PAK3: variants seen among roughly 807,000 people sequenced by gnomAD.
PAK3 encodes p21 (RAC1) activated kinase 3, also known as serine/threonine-protein kinase PAK 3.
In PAK3, 4 loss-of-function variants were observed where a neutral mutation model predicts 41.0. The observed-to-expected ratio is 0.10, with a 90% CI of 0.05 to 0.22. The LOEUF (loss-of-function observed/expected upper bound fraction) is 0.22. Among genes scored for constraint, PAK3 ranks in the 10% least tolerant of loss-of-function variants. The pLI, the probability that PAK3 is intolerant of heterozygous loss-of-function variation, is 1.00. For synonymous variants in PAK3, 146 were observed against 139.6 expected (o/e 1.05, Z -0.32); for missense variants, 205 against 409.9 (o/e 0.50, Z 4.32).
At chrX:111,080,994 G>A (rs2092829990) in intron 1 of PAK3, among the ~76,000 whole-genome samples, 1 of 111,595 alleles carries the variant, frequency 9.0e-6, no homozygotes, top group Non-Finnish European at 1.9e-5. Flanking sequence ...AAAGACAAAT[G>A]CTACATGATC....
Position 111,216,444 on chromosome X carries a change from T to C in PAK3, c.1431T>C (p.Asn477=), listed in dbSNP as rs1261668936. ...AGGCATTGTATCTGATAGCCACTAA[T>C]GGAACTCCAGAGCTCCAGAATCCTG... ...PLRALYLIAT[N]GTPELQNPER... The change falls in exon 17 of 18, where the codon AAT becomes AAC. Residue 477 remains asparagine, a synonymous_variant. Transcript: ENST00000372007. 3.4e-6 allele frequency: 4 copies of C among 1,190,722 alleles called. No individual in the cohort carries two copies. The highest frequency in any genetic ancestry group is 4.3e-5 in the Admixed American group (2 of 46,045).
intron 1 of PAK3, among the ~76,000 whole-genome samples, chrX:111,088,172 C>G (rs780806485): frequency 1.5e-4 from 17 of 111,297 alleles, no homozygotes; most frequent in African/African-American, 5.2e-4. Flanking sequence ...GCAGCCAAAT[C>G]GAGAACCACT....
At chrX:111,076,113 T>G (rs1286751958) in intron 1 of PAK3, among the ~76,000 whole-genome samples, 1 of 112,122 alleles carries the variant, frequency 8.9e-6, no homozygotes, top group Non-Finnish European at 1.9e-5. Flanking sequence ...GATGAGACTT[T>G]GGACTTTGGA....
chrX:111,093,973 T>A (rs1279420534), upstream of PAK3, among the ~76,000 whole-genome samples: 2 of 112,348 alleles, frequency 1.8e-5, no homozygotes, highest in East Asian at 5.6e-4. Flanking sequence ...TAAATGCATT[T>A]TACAAATCAG....
intron 1 of PAK3, among the ~76,000 whole-genome samples, chrX:110,950,597 C>T (rs770802260): frequency 9.0e-6 from 1 of 111,696 alleles, no homozygotes; most frequent in Admixed American, 9.5e-5. Flanking sequence ...CCGTGATAGG[C>T]TCCAGTGTGT....
At position 111,227,361 on chromosome X, in the gene PAK3, A is replaced by C. The variant is rs2094957945; in HGVS notation, c.*6914A>C. ...CAAATAAAAATGACAAACATCAATGAGCTATTGCTTCTGTCTTCTGTCACC... is the reference window on the plus strand; with the variant it reads ...CAAATAAAAATGACAAACATCAATGCGCTATTGCTTCTGTCTTCTGTCACC... On this transcript the variant is annotated 3_prime_UTR_variant, in exon 18 of 18. Transcript: ENST00000372007. The C allele has an allele frequency of 8.9e-6, 1 of 112,037 alleles. No individual in the cohort carries two copies. Among genetic ancestry groups the C allele is most frequent in the Admixed American group, 9.5e-5 (1 of 10,529 alleles). The allele number at this position is 112,037 out of a possible 1,213,427, so 9.2% of individuals were successfully genotyped here.
Position 111,226,370 on chromosome X carries a change from T to C in PAK3, c.*5923T>C, listed in dbSNP as rs778986325. 6 of 111,757 alleles carry C rather than the reference T, an allele frequency of 5.4e-5. No individual in the cohort carries two copies. The highest frequency in any genetic ancestry group is 9.4e-5 in the Non-Finnish European group (5 of 53,217). 9.2% of individuals were successfully genotyped at this position (111,757 alleles called of 1,213,427 possible). On this transcript the variant is annotated 3_prime_UTR_variant, in exon 18 of 18. Coordinates refer to ENST00000372007, the MANE Select transcript of PAK3 (RefSeq NM_002578.5). ...CTGGTTTTCATTAAGCTGTGGCCAG[T>C]ATTTGCCACTACAACAGAAACACAC...
chrX:111,125,804 G>C (rs897669078), intron 5 of PAK3, among the ~76,000 whole-genome samples: 2 of 111,345 alleles, frequency 1.8e-5, no homozygotes, highest in African/African-American at 3.3e-5. Flanking sequence ...AGACTATATT[G>C]GGAAGAAAGA....
At chrX:110,994,496 G>C (rs748550222) in intron 1 of PAK3, among the ~76,000 whole-genome samples, 1 of 111,463 alleles carries the variant, frequency 9.0e-6, no homozygotes, top group South Asian at 3.8e-4. Flanking sequence ...AGGAGAAGGA[G>C]AACTGCCTTG....
At chrX:111,154,273 G>T (rs960006674) in intron 8 of PAK3, among the ~76,000 whole-genome samples, 5 of 111,113 alleles carry the variant, frequency 4.5e-5, no homozygotes, top group Admixed American at 3.8e-4. Flanking sequence ...CCTAAAAATG[G>T]TTAAGATGGT....
In PAK3 at chrX:111,195,931, T is replaced by C. The variant is rs767397128; in HGVS notation, c.1200T>C (p.Ser400=). 9.1e-7 allele frequency: 1 copy of C among 1,097,594 alleles called. No homozygotes were observed. The highest frequency in any genetic ancestry group is 1.3e-6 in the Non-Finnish European group (1 of 791,206). The allele number at this position is 1,097,594 out of a possible 1,213,427, so 90.5% of individuals were successfully genotyped here. The part of the protein sequence containing the change: ...SDNILLGMDG[S]VKLTDFGFCA... ...ATATTCTTCTCGGGATGGATGGCTC[T>C]GTTAAATTGAGTAGGTATTTTGGTT... Residue 400 remains serine (S), a synonymous_variant, in exon 15 of 18, where the codon TCT becomes TCC. Transcript: ENST00000372007.
intron 1 of PAK3, among the ~76,000 whole-genome samples, chrX:110,977,347 C>T (rs967565147): frequency 3.6e-5 from 4 of 110,171 alleles, no homozygotes; most frequent in African/African-American, 1.3e-4. Flanking sequence ...TGTTCTTTTC[C>T]AAGATTGTTT....
intron 1 of PAK3, among the ~76,000 whole-genome samples, chrX:111,067,502 A>G (rs2092710468): frequency 9.0e-6 from 1 of 111,645 alleles, no homozygotes; most frequent in African/African-American, 3.2e-5. Flanking sequence ...GCTTGTACTC[A>G]TAATCAAAAT....
At chrX:110,989,981 G>A (rs937551011) in intron 1 of PAK3, among the ~76,000 whole-genome samples, 1 of 112,051 alleles carries the variant, frequency 8.9e-6, no homozygotes, top group Non-Finnish European at 1.9e-5. Flanking sequence ...GCCTCTTGGC[G>A]CTCTTTATTG....
At chrX:111,020,003 TATG>T (rs1164767938) in intron 1 of PAK3, among the ~76,000 whole-genome samples, 2 of 111,906 alleles carry the variant, frequency 1.8e-5, no homozygotes, top group Non-Finnish European at 3.8e-5. Flanking sequence ...TGGAAAATGG[TATG>T]ATAATTCCTT....
chrX:111,217,369 A>G lies in PAK3; in HGVS notation c.1545+811A>G, dbSNP rs544642687. The G allele has an allele frequency of 1.3e-4, 50 of 372,149 alleles. 1 individual carries two copies. Among genetic ancestry groups the G allele is most frequent in the South Asian group, 1.3e-3 (46 of 35,863 alleles). The allele number at this position is 372,149 out of a possible 1,213,427, so 30.7% of individuals were successfully genotyped here. A position where few individuals can be genotyped will look rare whatever the true frequency, so the allele number is the denominator to read the frequency against. Reference sequence around the variant, plus strand: ...CTGCTGGGGAGTGTTTCTCAGGGACATGTATGAAGACATTTAACATCTAAG... The same window carrying G: ...CTGCTGGGGAGTGTTTCTCAGGGACGTGTATGAAGACATTTAACATCTAAG... On this transcript the variant is annotated intron_variant, in intron 17 of 17. Coordinates refer to ENST00000372007, the MANE Select transcript of PAK3 (RefSeq NM_002578.5).
chrX:111,021,544 T>C (rs73537177), intron 1 of PAK3, among the ~76,000 whole-genome samples: 2,141 of 111,095 alleles, frequency 0.019, 53 homozygotes, highest in African/African-American at 0.067. Flanking sequence ...ACAGCAGCCA[T>C]TGAAACCTAG....
chrX:111,213,423 G>A (rs1224672294), intron 16 of PAK3, among the ~76,000 whole-genome samples: 1 of 112,169 alleles, frequency 8.9e-6, no homozygotes, highest in Non-Finnish European at 1.9e-5. Flanking sequence ...TGGAAAAAAG[G>A]CCAAGTATTT....
chrX:111,227,331 T>C lies in PAK3; in HGVS notation c.*6884T>C, dbSNP rs1412309376. ...TGCAGTTTGAAACTTGGACCTAAAG[T>C]ATTGCAAATAAAAATGACAAACATC... On this transcript the variant is annotated 3_prime_UTR_variant, in exon 18 of 18. Transcript: ENST00000372007. 1 of 112,101 alleles carries C rather than the reference T, an allele frequency of 8.9e-6. No individual in the cohort carries two copies. The highest frequency in any genetic ancestry group is 9.5e-5 in the Admixed American group (1 of 10,539). The allele number at this position is 112,101 out of a possible 1,213,427, so 9.2% of individuals were successfully genotyped here.
Sources: allele counts gnomAD v4.1 joint callset (sites outside exome capture counted in the v4.1 genomes callset), GRCh38; gene constraint gnomAD v4.1.1; transcripts MANE v1.5; gene names NCBI Gene and HGNC (gene_info 2026-07-23, HGNC 2026-07-21).